The following MSRA variants were observed in gnomAD, a reference collection of about 807,000 sequenced individuals.
The protein encoded by MSRA is mitochondrial peptide methionine sulfoxide reductase.
Under a neutral mutation model 31.3 loss-of-function variants are expected in MSRA, and 54 were observed. The observed-to-expected ratio is 1.73, with a 90% confidence interval of 1.39 to 2.17. The LOEUF (loss-of-function observed/expected upper bound fraction) is 2.17. Ranked by LOEUF, MSRA falls within the 30% of genes most tolerant of loss-of-function variation. The pLI, the probability that MSRA is intolerant of heterozygous loss-of-function variation, is 0.00. For missense variants in MSRA, 507 were observed against 300.9 expected (o/e 1.69, Z -5.07); for synonymous variants, 169 against 116.5 (o/e 1.45, Z -2.90).
rs114788116 is a variant in MSRA at position 10,236,564 on chromosome 8, C to A, written c.212-8540C>A. Among the ~76,000 whole-genome samples, 129 of 152,230 alleles carry A rather than the reference C, an allele frequency of 8.5e-4. 1 individual carries two copies. The highest frequency in any genetic ancestry group is 3.0e-3 in the African/African-American group (126 of 41,538). On this transcript the variant is annotated intron_variant, in intron 2 of 5. Coordinates refer to ENST00000317173, the MANE Select transcript of MSRA (RefSeq NM_012331.5). ...AATATTTAAGATCTTTATTTTCTTG[C>A]GATGGAGTCTCACTCGCTCACTCAA... is the stretch of plus-strand genomic sequence containing the variant.
intron 5 of MSRA, among the ~76,000 whole-genome samples, chr8:10,327,371 G>T (rs568887549): frequency 4.0e-5 from 6 of 151,880 alleles, no homozygotes; most frequent in African/African-American, 1.5e-4. Context: ...TCATCTCTGC[G>T]TTTGTTTATA....
intron 1 of MSRA, among the ~76,000 whole-genome samples, chr8:10,073,385 C>G (rs1797837462): frequency 6.6e-6 from 1 of 152,164 alleles, no homozygotes; most frequent in Admixed American, 6.5e-5. Flanking sequence ...ATGCTTATTG[C>G]TTTAGCTGTT....
chr8:10,119,809 C>A (rs1286232811), intron 1 of MSRA, among the ~76,000 whole-genome samples: 1 of 152,058 alleles, frequency 6.6e-6, no homozygotes. Flanking sequence ...CTACCTTGGT[C>A]AGGGTCCTGG....
At chr8:10,054,698 G>A (rs1051273442) in intron 1 of MSRA, 40 bp downstream of exon 1, 4 of 1,473,822 alleles carry the variant, frequency 2.7e-6, no homozygotes, top group African/African-American at 1.4e-5. Context: ...CGGCGACGCT[G>A]CGCATGCGCG....
intron 1 of MSRA, among the ~76,000 whole-genome samples, chr8:10,104,155 T>A (rs577036980): frequency 3.3e-4 from 51 of 152,318 alleles, no homozygotes; most frequent in African/African-American, 1.2e-3. Flanking sequence ...CTACCCATGC[T>A]GTCATGACCC....
intron 5 of MSRA, among the ~76,000 whole-genome samples, chr8:10,383,828 C>G (rs1175002945): frequency 6.6e-6 from 1 of 152,164 alleles, no homozygotes; most frequent in Non-Finnish European, 1.5e-5. Context: ...TTGGGGACTT[C>G]TGCTTCACTT....
chr8:10,245,573 GT>G (rs1052357326), intron 3 of MSRA, among the ~76,000 whole-genome samples: 36 of 152,218 alleles, frequency 2.4e-4, no homozygotes, highest in Non-Finnish European at 1.0e-4. Flanking sequence ...TGTGGCTAAG[GT>G]CAACCTGTGG....
rs144236793 is a variant in MSRA at position 10,310,769 on chromosome 8, C to A, written c.437-9114C>A. 5.3e-3 allele frequency among the ~76,000 whole-genome samples: 808 copies of A among 152,344 alleles called. 4 individuals carry two copies. Among genetic ancestry groups the A allele is most frequent in the African/African-American group, 0.019 (784 of 41,586 alleles). ...AGGGCTAAAATCGAAGCCTGATGTT[C>A]TTTCTGTTGGGTAGCACATGGCCCC... On this transcript the variant is annotated intron_variant, in intron 4 of 5. Transcript: ENST00000317173.
intron 5 of MSRA, among the ~76,000 whole-genome samples, chr8:10,359,492 G>C (rs1804710818): frequency 1.3e-5 from 2 of 151,826 alleles, no homozygotes; most frequent in African/African-American, 4.8e-5. Context: ...ATAGTTTTTT[G>C]GTCCATCTTT....
rs145637319 is a variant in MSRA, at chr8:10,134,600, C to T, written c.143-73233C>T. Among the ~76,000 whole-genome samples the T allele has an allele frequency of 2.4e-4, 36 of 152,314 alleles. No homozygotes were observed. The East Asian group carries it at 6.0e-3, about 25-fold the overall frequency. ...CGGCACAGGCTCGAGTCTAAGTTTA[C>T]CCGTGACCTGTGGTCATTCTGTGGA... On this transcript the variant is annotated intron_variant, in intron 1 of 5. Transcript: ENST00000317173.
chr8:10,205,152 A>T (rs1026591872), intron 1 of MSRA, among the ~76,000 whole-genome samples: 1 of 152,090 alleles, frequency 6.6e-6, no homozygotes, highest in South Asian at 2.1e-4. Context: ...GTGTCACATG[A>T]TTAGATTTTT....
chr8:10,122,173 A>G (rs1334798657), intron 1 of MSRA, among the ~76,000 whole-genome samples: 1 of 152,156 alleles, frequency 6.6e-6, no homozygotes, highest in Non-Finnish European at 1.5e-5. Flanking sequence ...GCAGAGGGCA[A>G]GATTCTCGCC....
chr8:10,169,880 T>C (rs1466159327), intron 1 of MSRA, among the ~76,000 whole-genome samples: 1 of 151,478 alleles, frequency 6.6e-6, no homozygotes, highest in African/African-American at 2.4e-5. Flanking sequence ...TTTGTTCTTG[T>C]AACTTTTTTG....
intron 1 of MSRA, among the ~76,000 whole-genome samples, chr8:10,085,167 C>T (rs1355553520): frequency 2.0e-5 from 3 of 152,134 alleles, no homozygotes; most frequent in Non-Finnish European, 2.9e-5. Flanking sequence ...TCTTCCTGCC[C>T]TCCTGTGGGC....
intron 1 of MSRA, among the ~76,000 whole-genome samples, chr8:10,197,929 C>T (rs551220343): frequency 6.6e-6 from 1 of 152,192 alleles, no homozygotes; most frequent in Non-Finnish European, 1.5e-5. Context: ...TCTGCTGCAC[C>T]TTCCTGTGAT....
chr8:10,105,323 T>A (rs1260237749), intron 1 of MSRA, among the ~76,000 whole-genome samples: 1 of 152,230 alleles, frequency 6.6e-6, no homozygotes, highest in Non-Finnish European at 1.5e-5. Flanking sequence ...CAATCCATGC[T>A]TTCCGATGAG....
At chr8:10,315,014 C>G (rs1291888622) in intron 4 of MSRA, among the ~76,000 whole-genome samples, 2 of 152,070 alleles carry the variant, frequency 1.3e-5, no homozygotes, top group African/African-American at 4.8e-5. Context: ...CAATTATGAC[C>G]AAAGGCGAAG....
intron 1 of MSRA, among the ~76,000 whole-genome samples, chr8:10,141,730 T>G (rs78409553): frequency 6.6e-6 from 1 of 152,164 alleles, no homozygotes; most frequent in African/African-American, 2.4e-5. Flanking sequence ...TTTTTTTTTT[T>G]TGTTTTAATT....
chr8:10,226,319 C>G (rs1220547823), intron 2 of MSRA, among the ~76,000 whole-genome samples: 1 of 152,098 alleles, frequency 6.6e-6, no homozygotes, highest in African/African-American at 2.4e-5. Flanking sequence ...TGGAGTGATC[C>G]AGGCTGATCT....
Sources: gnomAD v4.1 joint callset for allele counts (sites outside exome capture counted in the v4.1 genomes callset) on GRCh38, gnomAD v4.1.1 for gene constraint, MANE v1.5 for transcripts, NCBI Gene and HGNC (gene_info 2026-07-23, HGNC 2026-07-21) for gene names.